ADGRL2: variants seen among roughly 807,000 people sequenced by gnomAD.
The protein encoded by ADGRL2 is adhesion G protein-coupled receptor L2, also known as calcium-independent alpha-latrotoxin receptor 2.
A neutral mutation model predicts 157.4 loss-of-function variants in ADGRL2; 44 were observed. The observed-to-expected ratio is 0.28, with a 90% CI of 0.22 to 0.36. The LOEUF is 0.36. Ranked by LOEUF, ADGRL2 falls within the 10% of genes least tolerant of loss-of-function variation. The pLI, the probability that ADGRL2 is intolerant of heterozygous loss-of-function variation, is 1.00. For synonymous variants in ADGRL2, 585 were observed against 624.7 expected (o/e 0.94, Z 0.95); for missense variants, 1,510 against 1,768.9 (o/e 0.85, Z 2.63).
intron 2 of ADGRL2, among the ~76,000 whole-genome samples, chr1:81,541,309 G>A (rs1413196983): frequency 6.6e-6 from 1 of 152,178 alleles, no homozygotes; most frequent in African/African-American, 2.4e-5. Flanking sequence ...TGTCCAAATG[G>A]ACATTTCTTT....
At chr1:81,685,972 C>A (rs1408236342) in intron 3 of ADGRL2, among the ~76,000 whole-genome samples, 2 of 152,116 alleles carry the variant, frequency 1.3e-5, no homozygotes, top group East Asian at 3.9e-4. Context: ...ATCTGTGCAT[C>A]CCTGGTGTGA....
rs1375465420 is a variant in ADGRL2 at position 81,993,882 on chromosome 1, T to G, written c.*2737T>G. On this transcript the variant is annotated 3_prime_UTR_variant, in exon 24 of 24. Coordinates refer to ENST00000686636, the MANE Select transcript of ADGRL2 (RefSeq NM_001366006.2). ...AAGTTCTTCCTAGAGACATTCACTC[T>G]GTCTTTATTAAAAATAATAATAATA... The G allele has an allele frequency of 5.8e-6, 1 of 172,538 alleles. No homozygotes were observed. The highest frequency in any genetic ancestry group is 1.6e-4 in the East Asian group (1 of 6,160). The allele number at this position is 172,538 out of a possible 1,614,324, so 10.7% of individuals were successfully genotyped here. A position where few individuals can be genotyped will look rare whatever the true frequency, so the allele number is the denominator to read the frequency against.
At chr1:81,952,218 G>A (rs2149088635) in intron 9 of ADGRL2, 76 bp downstream of exon 9, 3 of 1,259,422 alleles carry the variant, frequency 2.4e-6, no homozygotes, top group Non-Finnish European at 3.2e-6. Flanking sequence ...GCAGTTGAGA[G>A]CCAAATCTTT....
intron 2 of ADGRL2, among the ~76,000 whole-genome samples, chr1:81,895,632 T>A (rs2094369752): frequency 6.6e-6 from 1 of 152,052 alleles, no homozygotes; most frequent in Admixed American, 6.6e-5. Context: ...TGACCTCAGG[T>A]GATCCACCTG....
intron 2 of ADGRL2, among the ~76,000 whole-genome samples, chr1:81,898,059 A>G (rs916112041): frequency 2.0e-5 from 3 of 152,104 alleles, no homozygotes; most frequent in African/African-American, 7.2e-5. Flanking sequence ...GCAGTGAACT[A>G]TGATTGTACC....
At chr1:81,497,949 G>A (rs2078764686) in intron 2 of ADGRL2, among the ~76,000 whole-genome samples, 1 of 152,214 alleles carries the variant, frequency 6.6e-6, no homozygotes, top group Admixed American at 6.5e-5. Context: ...GCTCATGCCT[G>A]TAATCCCGGC....
chr1:81,331,500 G>A (rs538294717), intron 1 of ADGRL2, among the ~76,000 whole-genome samples: 5 of 152,082 alleles, frequency 3.3e-5, no homozygotes, highest in East Asian at 1.9e-4. Context: ...GATTACTGTC[G>A]TACTGCTTTG....
At chr1:81,883,183 G>A (rs889947394) in intron 2 of ADGRL2, among the ~76,000 whole-genome samples, 2 of 152,092 alleles carry the variant, frequency 1.3e-5, no homozygotes, top group African/African-American at 2.4e-5. Context: ...GAGAAGTAAT[G>A]CAGTTTATTT....
intron 1 of ADGRL2, among the ~76,000 whole-genome samples, chr1:81,355,876 A>G (rs920769247): frequency 3.3e-5 from 5 of 152,180 alleles, no homozygotes; most frequent in Non-Finnish European, 7.3e-5. Context: ...ATTGCTCTGC[A>G]TTTATACAGA....
intron 2 of ADGRL2, among the ~76,000 whole-genome samples, chr1:81,540,041 T>C (rs1454539599): frequency 6.6e-6 from 1 of 152,186 alleles, no homozygotes; most frequent in Admixed American, 6.5e-5. Flanking sequence ...ATTCTGGTTG[T>C]ACTGCTAACT....
chr1:81,819,036 T>C (rs541070956), intron 1 of ADGRL2, among the ~76,000 whole-genome samples: 1 of 152,138 alleles, frequency 6.6e-6, no homozygotes, highest in African/African-American at 2.4e-5. Context: ...GCCTGCTCTT[T>C]TAAGATTCTC....
intron 2 of ADGRL2, among the ~76,000 whole-genome samples, chr1:81,879,033 A>G (rs2093916871): frequency 6.6e-6 from 1 of 152,202 alleles, no homozygotes; most frequent in South Asian, 2.1e-4. Context: ...CAAACAATGA[A>G]ATGAAAACCA....
rs146750430 is a variant in ADGRL2, at chr1:81,558,509, C to A, written c.-247-22367C>A. On this transcript the variant is annotated intron_variant, in intron 2 of 24. Coordinates refer to the ADGRL2 transcript ENST00000370721. ...TCACCCACTGGTTTGTTGACAATGC[C>A]TTCAAGGCCATATTGCTACATGGGA... is the stretch of plus-strand genomic sequence containing the variant. 7.4e-4 allele frequency among the ~76,000 whole-genome samples: 112 copies of A among 152,262 alleles called. No individual in the cohort carries two copies. In the Middle Eastern group the frequency reaches 0.01, roughly 14 times the overall value.
rs146799711 is a variant in ADGRL2, at chr1:81,569,961, G to A, written c.-247-10915G>A. ...GGCAGGGTGCCTAAGTTTCTCCCTA[G>A]CTGTTGGCAGAAAGCTCAGTTTCTT... On this transcript the variant is annotated intron_variant, in intron 2 of 24. Transcript: ENST00000370721. Among the ~76,000 whole-genome samples, 494 of 152,252 alleles carry A rather than the reference G, an allele frequency of 3.2e-3. 4 individuals carry two copies. The highest frequency in any genetic ancestry group is 0.011 in the African/African-American group (462 of 41,532).
intron 3 of ADGRL2, among the ~76,000 whole-genome samples, chr1:81,661,882 CT>C (rs1446668468): frequency 1.3e-5 from 2 of 152,150 alleles, no homozygotes; most frequent in African/African-American, 4.8e-5. Context: ...CCCATCCCCA[CT>C]GGATATCCTC....
At chr1:81,623,705 C>T (rs1028767810) in intron 3 of ADGRL2, among the ~76,000 whole-genome samples, 9 of 144,062 alleles carry the variant, frequency 6.2e-5, no homozygotes, top group East Asian at 6.1e-4. Context: ...GGCGTGATCT[C>T]GGCTCACTGC....
chr1:81,567,370 G>A (rs75386481), intron 2 of ADGRL2, among the ~76,000 whole-genome samples: 2,094 of 152,122 alleles, frequency 0.014, 51 homozygotes, highest in African/African-American at 0.048. Flanking sequence ...AAACATTTCC[G>A]TCATCACAGA....
intron 1 of ADGRL2, among the ~76,000 whole-genome samples, chr1:81,336,052 C>CTT (rs1661621430): frequency 1.3e-5 from 2 of 152,140 alleles, no homozygotes; most frequent in Non-Finnish European, 2.9e-5. Context: ...GTTTGTAAGA[C>CTT]AAGGGAGATT....
intron 3 of ADGRL2, among the ~76,000 whole-genome samples, chr1:81,608,065 G>T (rs2081469510): frequency 1.3e-5 from 2 of 152,304 alleles, no homozygotes; most frequent in South Asian, 2.1e-4. Context: ...ATCTTTAAAA[G>T]GATGTAGTAA....
Sources: allele counts gnomAD v4.1 joint callset (sites outside exome capture counted in the v4.1 genomes callset), GRCh38; gene constraint gnomAD v4.1.1; transcripts MANE v1.5; gene names NCBI Gene and HGNC (gene_info 2026-07-23, HGNC 2026-07-21).